Variants in SEC23IP observed in about 807,000 individuals in gnomAD.
The protein encoded by SEC23IP is SEC23 interacting protein.
A neutral mutation model predicts 113.4 loss-of-function variants in SEC23IP; 70 were observed. That is an observed-to-expected ratio of 0.62 (90% confidence interval 0.51 to 0.75). The LOEUF (loss-of-function observed/expected upper bound fraction) is 0.75. Ranked by LOEUF, SEC23IP falls within the 30% of genes least tolerant of loss-of-function variation. The pLI is 0.00. For synonymous variants in SEC23IP, 398 were observed against 421.0 expected (o/e 0.95, Z 0.67); for missense variants, 1,160 against 1,204.9 (o/e 0.96, Z 0.55).
intron 6 of SEC23IP, among the ~76,000 whole-genome samples, chr10:119,912,523 T>C (rs1184821487): frequency 6.6e-6 from 1 of 152,200 alleles, no homozygotes; most frequent in Non-Finnish European, 1.5e-5. Context: ...GATAAATGCA[T>C]AGAATGTGTA....
rs138322546 is a variant in SEC23IP, at chr10:119,907,884, G to A, written c.1102-1157G>A. 4.0e-3 allele frequency among the ~76,000 whole-genome samples: 611 copies of A among 152,298 alleles called. 3 individuals carry two copies. The highest frequency in any genetic ancestry group is 0.014 in the African/African-American group (572 of 41,566). The stretch of plus-strand genomic sequence containing the variant: ...GGAGAATCGCCTGAACCTGGGAGGC[G>A]GAGGTTGCGGTGAGCAGAGATTGCA... On this transcript the variant is annotated intron_variant, in intron 4 of 18. Coordinates refer to ENST00000369075, the MANE Select transcript of SEC23IP (RefSeq NM_007190.4).
chr10:119,915,586 T>G (rs1855023212), intron 7 of SEC23IP, among the ~76,000 whole-genome samples, 162 bp from the exon 8 acceptor site: 1 of 152,218 alleles, frequency 6.6e-6, no homozygotes, highest in African/African-American at 2.4e-5. Context: ...TACTTATTCC[T>G]TTCTTTTTAA....
At chr10:119,928,100 T>C (rs954891570) in intron 13 of SEC23IP, among the ~76,000 whole-genome samples, 8 of 152,228 alleles carry the variant, frequency 5.3e-5, no homozygotes, top group African/African-American at 1.9e-4. Flanking sequence ...TTAGTACTTC[T>C]TACTTTTTAG....
intron 14 of SEC23IP, among the ~76,000 whole-genome samples, 175 bp downstream of exon 14, chr10:119,929,937 C>T (rs930282505): frequency 3.3e-5 from 5 of 152,246 alleles, no homozygotes; most frequent in African/African-American, 1.2e-4. Context: ...GCGTGAGCCA[C>T]TGTGCCTGAC....
At position 119,941,827 on chromosome 10, in the gene SEC23IP, T is replaced by C. The variant is rs1694527580; in HGVS notation, c.*1262T>C. 1 of 152,680 alleles carries C rather than the reference T, an allele frequency of 6.5e-6. No homozygotes were observed. Among genetic ancestry groups the C allele is most frequent in the African/African-American group, 2.4e-5 (1 of 41,470 alleles). 9.5% of individuals were successfully genotyped at this position (152,680 alleles called of 1,614,324 possible). A position where few individuals can be genotyped will look rare whatever the true frequency, so the allele number is the denominator to read the frequency against. On this transcript the variant is annotated 3_prime_UTR_variant, in exon 19 of 19. Coordinates refer to ENST00000369075, the MANE Select transcript of SEC23IP (RefSeq NM_007190.4). ...TTTGAGTACCTGCTTATATGGTCAGTATGTAACGTTAGCATTGGCTCCTAA... is the reference window on the plus strand; with the variant it reads ...TTTGAGTACCTGCTTATATGGTCAGCATGTAACGTTAGCATTGGCTCCTAA...
chr10:119,942,619 T>A lies in SEC23IP; in HGVS notation c.*2054T>A, dbSNP rs990288032. 2.6e-5 allele frequency: 4 copies of A among 152,122 alleles called. No individual in the cohort carries two copies. The highest frequency in any genetic ancestry group is 2.9e-5 in the Non-Finnish European group (2 of 68,030). 9.4% of individuals were successfully genotyped at this position (152,122 alleles called of 1,614,324 possible). A position where few individuals can be genotyped will look rare whatever the true frequency, so the allele number is the denominator to read the frequency against. ...CCTCCTTTTCCCCAGATAAAGAAAG[T>A]CATGTCTGTAGTTATTCCAAAAGTG... On this transcript the variant is annotated 3_prime_UTR_variant, in exon 19 of 19. Transcript: ENST00000369075.
rs557084040 is a variant in SEC23IP at position 119,917,983 on chromosome 10, A to G, written c.1692A>G (p.Ala564=). The change falls in exon 9 of 19, where the codon GCA becomes GCG. Residue 564 remains alanine, a synonymous_variant. Coordinates refer to ENST00000369075, the MANE Select transcript of SEC23IP (RefSeq NM_007190.4). ...GAATGGAGATAAACCATCTGCATGC[A>G]CTCTTTATGAGTCGGAACCCAGACT... is the stretch of plus-strand genomic sequence containing the variant. ...KVGMEINHLH[A]LFMSRNPDFK... 4.3e-5 allele frequency: 70 copies of G among 1,613,998 alleles called. No homozygotes were observed. The East Asian group carries it at 5.8e-4, about 13-fold the overall frequency.
chr10:119,921,919 GACTATAAAGTC>G (rs1855261536), intron 12 of SEC23IP, among the ~76,000 whole-genome samples: 1 of 151,786 alleles, frequency 6.6e-6, no homozygotes, highest in Non-Finnish European at 1.5e-5. Context: ...TATGGGAAAT[GACTATAAAGTC>G]ATAGGACTGA....
In SEC23IP at chr10:119,906,679, G is replaced by A. The variant is rs549077959; in HGVS notation, c.1102-2362G>A. 7.2e-5 allele frequency among the ~76,000 whole-genome samples: 11 copies of A among 152,140 alleles called. No individual in the cohort carries two copies. In the South Asian group the frequency reaches 1.0e-3, roughly 14 times the overall value. On this transcript the variant is annotated intron_variant, in intron 4 of 18. Transcript: ENST00000369075. ...TAACCTCAGCCTCCTGGGTTCAAGC[G>A]ATTCTCCTGCCTCAGCCTTCCGAGT...
Position 119,915,795 on chromosome 10 carries a change from A to C in SEC23IP, c.1450A>C (p.Lys484Gln). The change falls in exon 8 of 19, where the codon AAG becomes CAG. Residue 484 changes from lysine to glutamine, a missense_variant. By Grantham distance (53) the Lys-to-Gln change is moderately conservative. Coordinates refer to ENST00000369075, the MANE Select transcript of SEC23IP (RefSeq NM_007190.4). ...VSLKLLRTHF[K>Q]KSLDDGKVSR... ...TCTCAAATTGCTGCGGACACATTTC[A>C]AGAAATCTTTAGATGACGGGAAAGT... 4 of 1,603,470 alleles carry C rather than the reference A, an allele frequency of 2.5e-6. No homozygotes were observed. The highest frequency in any genetic ancestry group is 3.4e-6 in the Non-Finnish European group (4 of 1,174,496).
At chr10:119,929,466 T>C (rs1388424792) in intron 13 of SEC23IP, 141 bp from the exon 14 acceptor site, 11 of 644,654 alleles carry the variant, frequency 1.7e-5, no homozygotes, top group South Asian at 5.7e-5. Flanking sequence ...GATCTCCTGA[T>C]CTCGTGATCC....
chr10:119,916,795 A>T, intron 8 of SEC23IP, among the ~76,000 whole-genome samples: 1 of 152,160 alleles, frequency 6.6e-6, no homozygotes, highest in East Asian at 1.9e-4. Context: ...TTTGCATATG[A>T]CTTATATAGC....
intron 4 of SEC23IP, among the ~76,000 whole-genome samples, chr10:119,905,967 A>G (rs1037327233): frequency 5.9e-5 from 9 of 152,142 alleles, no homozygotes; most frequent in Non-Finnish European, 1.0e-4. Flanking sequence ...TGAAGAACGT[A>G]AAAGGTGACC....
At chr10:119,933,831 T>A in intron 18 of SEC23IP, 44 bp downstream of exon 18, 1 of 1,005,104 alleles carries the variant, frequency 9.9e-7, no homozygotes, top group Non-Finnish European at 1.6e-6. Flanking sequence ...AATGTTTGCA[T>A]TCTCAAATCT....
At chr10:119,922,845 C>T (rs1383192597) in intron 12 of SEC23IP, among the ~76,000 whole-genome samples, 4 of 152,076 alleles carry the variant, frequency 2.6e-5, no homozygotes. Flanking sequence ...CTCACAACAA[C>T]CCTGTGAGTA....
chr10:119,894,470 A>G (rs1350567472), intron 1 of SEC23IP, among the ~76,000 whole-genome samples: 1 of 152,256 alleles, frequency 6.6e-6, no homozygotes, highest in Non-Finnish European at 1.5e-5. Context: ...CCACTGCACT[A>G]GGATGTAAGA....
chr10:119,902,295 G>A (rs1183393293), intron 2 of SEC23IP, among the ~76,000 whole-genome samples: 3 of 152,162 alleles, frequency 2.0e-5, no homozygotes, highest in African/African-American at 7.2e-5. Flanking sequence ...GACGGAGGCT[G>A]TGCATTGCGC....
intron 4 of SEC23IP, among the ~76,000 whole-genome samples, chr10:119,906,033 T>C (rs1854651828): frequency 6.6e-6 from 1 of 151,966 alleles, no homozygotes; most frequent in Non-Finnish European, 1.5e-5. Context: ...CCCAGCACTC[T>C]GGGAGGCCAA....
intron 14 of SEC23IP, 42 bp downstream of exon 14, chr10:119,929,804 C>CT: frequency 7.0e-7 from 1 of 1,435,142 alleles, no homozygotes; most frequent in Non-Finnish European, 9.6e-7. Flanking sequence ...ATCCTTTTTT[C>CT]TTTTTTAAAC....
Sources: gnomAD v4.1 joint callset for allele counts (sites outside exome capture counted in the v4.1 genomes callset) on GRCh38, gnomAD v4.1.1 for gene constraint, MANE v1.5 for transcripts, NCBI Gene and HGNC (gene_info 2026-07-23, HGNC 2026-07-21) for gene names.